PRKAR1B: variants seen among roughly 807,000 people sequenced by gnomAD.
PRKAR1B encodes protein kinase cAMP-dependent type I regulatory subunit beta, also known as cAMP-dependent protein kinase type I-beta regulatory subunit.
Under a neutral mutation model 46.5 loss-of-function variants are expected in PRKAR1B, and 22 were observed. That is an observed-to-expected ratio of 0.47 (90% CI 0.34 to 0.68). The LOEUF is 0.68. Among genes scored for constraint, PRKAR1B ranks in the 30% least tolerant of loss-of-function variants. The probability of loss-of-function intolerance (pLI) is 0.01; values close to 1 mark genes in which losing one functional copy is unlikely to be tolerated. For missense variants in PRKAR1B, 445 were observed against 535.6 expected (o/e 0.83, Z 1.67); for synonymous variants, 259 against 217.7 (o/e 1.19, Z -1.67).
intron 9 of PRKAR1B, among the ~76,000 whole-genome samples, chr7:570,330 G>A (rs1173322832): frequency 6.6e-6 from 1 of 152,220 alleles, no homozygotes; most frequent in Non-Finnish European, 1.5e-5. Flanking sequence ...TGGTGTCCAG[G>A]CAGAATGTTA....
chr7:699,390 G>A (rs1214933407), intron 2 of PRKAR1B, among the ~76,000 whole-genome samples: 9 of 152,164 alleles, frequency 5.9e-5, no homozygotes, highest in African/African-American at 1.9e-4. Context: ...AGGCACTGAC[G>A]GTTAGGGCCC....
At chr7:604,178 G>A (rs888980768) in intron 6 of PRKAR1B, among the ~76,000 whole-genome samples, 2 of 152,208 alleles carry the variant, frequency 1.3e-5, no homozygotes, top group African/African-American at 4.8e-5. Flanking sequence ...CCTGGGACGG[G>A]CCCAGGCCCC....
Position 584,500 on chromosome 7 carries a change from C to A in PRKAR1B, c.769+8G>T. On this transcript the variant is annotated splice_region_variant and intron_variant, in intron 8 of 10. Coordinates refer to ENST00000537384, the MANE Select transcript of PRKAR1B (RefSeq NM_001164760.2). The stretch of plus-strand genomic sequence containing the variant: ...GACACACAGCCGTGCAGGGGCGCAG[C>A]CACTGACCTAGGATGGAGACCTTGC... 2 of 1,613,474 alleles carry A rather than the reference C, an allele frequency of 1.2e-6. No homozygotes were observed. The highest frequency in any genetic ancestry group is 2.2e-5 in the South Asian group (2 of 91,026).
At chr7:692,482 G>T (rs1779489787) in intron 2 of PRKAR1B, among the ~76,000 whole-genome samples, 1 of 152,092 alleles carries the variant, frequency 6.6e-6, no homozygotes, top group East Asian at 1.9e-4. Flanking sequence ...AGAAGAGAGA[G>T]AAGGCAGGTG....
chr7:613,251 T>C (rs1001614785), intron 4 of PRKAR1B, among the ~76,000 whole-genome samples: 9 of 151,658 alleles, frequency 5.9e-5, no homozygotes, highest in Non-Finnish European at 1.3e-4. Context: ...GTTTTTTTTT[T>C]TTTGATTACT....
intron 1 of PRKAR1B, among the ~76,000 whole-genome samples, chr7:715,882 AT>A (rs1307014442): frequency 2.6e-5 from 4 of 151,520 alleles, no homozygotes; most frequent in Non-Finnish European, 4.4e-5. Flanking sequence ...CGCCCGGCTA[AT>A]TTTTTGTATT....
intron 7 of PRKAR1B, among the ~76,000 whole-genome samples, chr7:585,391 C>T (rs568927882): frequency 4.6e-5 from 7 of 152,204 alleles, no homozygotes; most frequent in South Asian, 2.1e-4. Flanking sequence ...ACGGTGGGTA[C>T]GATTCAGCAC....
At position 626,867 on chromosome 7, in the gene PRKAR1B, C is replaced by T. The variant is rs1783429861; in HGVS notation, c.441-19415G>A. Among the ~76,000 whole-genome samples the T allele has an allele frequency of 2.6e-5, 4 of 151,626 alleles. No individual in the cohort carries two copies. In the South Asian group the frequency reaches 8.4e-4, roughly 32 times the overall value. On this transcript the variant is annotated intron_variant, in intron 4 of 10. Transcript: ENST00000537384. The stretch of plus-strand genomic sequence containing the variant: ...CTGGGACTACAGGTACAGCACCATG[C>T]TCAGCTAATTTTTATTTATTTATTT...
chr7:568,530 G>A (rs936136326), intron 9 of PRKAR1B, among the ~76,000 whole-genome samples: 2 of 152,250 alleles, frequency 1.3e-5, no homozygotes, highest in East Asian at 3.8e-4. Context: ...AAGTGCTCAA[G>A]GGCCCCGGCT....
intron 4 of PRKAR1B, among the ~76,000 whole-genome samples, chr7:635,328 A>G (rs1783983621): frequency 6.6e-6 from 1 of 152,190 alleles, no homozygotes; most frequent in African/African-American, 2.4e-5. Flanking sequence ...AATGTTCCGG[A>G]TCTGGGCCAG....
At chr7:586,310 CG>C (rs1780594093) in intron 7 of PRKAR1B, among the ~76,000 whole-genome samples, 1 of 151,396 alleles carries the variant, frequency 6.6e-6, no homozygotes, top group African/African-American at 2.5e-5. Context: ...CTCTGTCCCA[CG>C]ATGAATAGGG....
At chr7:615,891 A>G (rs1489311387) in intron 4 of PRKAR1B, among the ~76,000 whole-genome samples, 3 of 151,622 alleles carry the variant, frequency 2.0e-5, no homozygotes, top group African/African-American at 7.3e-5. Context: ...GGGAGAGAGA[A>G]AGAGAAAAAA....
chr7:685,982 G>T (rs1189308936), intron 2 of PRKAR1B, among the ~76,000 whole-genome samples: 1 of 152,114 alleles, frequency 6.6e-6, no homozygotes, highest in Non-Finnish European at 1.5e-5. Flanking sequence ...AAGCAGGGTG[G>T]ATATGTGAAG....
chr7:652,663 C>A (rs1784973286), intron 4 of PRKAR1B, among the ~76,000 whole-genome samples: 1 of 152,254 alleles, frequency 6.6e-6, no homozygotes, highest in Non-Finnish European at 1.5e-5. Context: ...TCCAGGCTCA[C>A]CATTTGTGAT....
At chr7:686,586 T>C (rs1779109899) in intron 2 of PRKAR1B, among the ~76,000 whole-genome samples, 1 of 152,150 alleles carries the variant, frequency 6.6e-6, no homozygotes, top group African/African-American at 2.4e-5. Flanking sequence ...CAGTTAGAGA[T>C]TTTATTAAAG....
chr7:600,048 C>T (rs185167327), intron 6 of PRKAR1B, among the ~76,000 whole-genome samples: 2 of 152,238 alleles, frequency 1.3e-5, no homozygotes, highest in East Asian at 3.9e-4. Flanking sequence ...CTGGGGGAGG[C>T]GCATGGGCAG....
chr7:623,936 G>A (rs1210241917), intron 4 of PRKAR1B, among the ~76,000 whole-genome samples: 2 of 152,184 alleles, frequency 1.3e-5, no homozygotes, highest in Admixed American at 1.3e-4. Context: ...GGAAGGAGGT[G>A]GAGGATGGCA....
At chr7:581,835 C>G (rs544407547) in intron 8 of PRKAR1B, among the ~76,000 whole-genome samples, 2 of 152,214 alleles carry the variant, frequency 1.3e-5, no homozygotes, top group Non-Finnish European at 2.9e-5. Flanking sequence ...CCCACCTCGG[C>G]CTCCCAAAGT....
chr7:653,578 G>C (rs980388636), intron 4 of PRKAR1B, among the ~76,000 whole-genome samples: 2 of 152,292 alleles, frequency 1.3e-5, no homozygotes, highest in Admixed American at 1.3e-4. Context: ...TGGGTTACCT[G>C]ATCCAGTCAC....
Sources: allele counts gnomAD v4.1 joint callset (sites outside exome capture counted in the v4.1 genomes callset), GRCh38; gene constraint gnomAD v4.1.1; transcripts MANE v1.5; gene names NCBI Gene and HGNC (gene_info 2026-07-23, HGNC 2026-07-21).